SLIT1: variants seen among roughly 807,000 people sequenced by gnomAD.
The protein encoded by SLIT1 is slit homolog 1 protein.
A neutral mutation model predicts 186.1 loss-of-function variants in SLIT1; 66 were observed. That is an observed-to-expected ratio of 0.35 (90% CI 0.29 to 0.44). SLIT1 has a LOEUF of 0.44. SLIT1 is among the 20% of genes least tolerant of loss of function. The pLI is 1.00. For synonymous variants in SLIT1, 761 were observed against 833.8 expected (o/e 0.91, Z 1.50); for missense variants, 1,638 against 2,037.4 (o/e 0.80, Z 3.77).
At chr10:97,172,207 T>C (rs191429862) in intron 1 of SLIT1, among the ~76,000 whole-genome samples, 3 of 152,194 alleles carry the variant, frequency 2.0e-5, no homozygotes, top group Non-Finnish European at 4.4e-5. Flanking sequence ...TATACCCAGC[T>C]AAATTTTTTT....
At chr10:97,148,180 T>C (rs957977937) in intron 4 of SLIT1, among the ~76,000 whole-genome samples, 1 of 152,166 alleles carries the variant, frequency 6.6e-6, no homozygotes, top group African/African-American at 2.4e-5. Flanking sequence ...ACCCATTGCA[T>C]AGGACCATGA....
In SLIT1 at chr10:97,002,895, G is replaced by T; in HGVS notation, c.3963C>A (p.Asn1321Lys). The change falls in exon 35 of 37, where the codon AAC (asparagine) becomes AAA (lysine). Residue 1321 changes from asparagine (N) to lysine (K), a missense_variant. This residue lies in a region of SLIT1 where 173 missense variants were observed against 290.9 expected (regional missense o/e 0.59). Transcript: ENST00000266058. ...HGCIRNLYINNELQDFTKTQM... is the reference protein window; with the variant it reads ...HGCIRNLYINKELQDFTKTQM... ...GCGTCTTGGTGAAGTCCTGCAGCTC[G>T]TTGTTGATGTACAGGTTTCGGATGC... The T allele has an allele frequency of 6.2e-7, 1 of 1,614,220 alleles. No individual in the cohort carries two copies. The highest frequency in any genetic ancestry group is 8.5e-7 in the Non-Finnish European group (1 of 1,180,028).
Position 97,059,653 on chromosome 10 carries a change from G to A in SLIT1, c.1014-122C>T, listed in dbSNP as rs1848873647. The A allele has an allele frequency of 2.1e-5, 16 of 746,166 alleles. No homozygotes were observed. In the East Asian group the frequency reaches 4.2e-4, roughly 20 times the overall value. 46.2% of individuals were successfully genotyped at this position (746,166 alleles called of 1,614,324 possible). A position where few individuals can be genotyped will look rare whatever the true frequency, so the allele number is the denominator to read the frequency against. ...GGTGGAGTGCTTTGAAATGAGAATA[G>A]TGAGAGGCCAGATCTCTCCTCCATT... On this transcript the variant is annotated intron_variant, in intron 10 of 36. Coordinates refer to ENST00000266058, the MANE Select transcript of SLIT1 (RefSeq NM_003061.3).
rs915882545 is a variant in SLIT1 at position 97,021,145 on chromosome 10, C to T, written c.2746+105G>A. The T allele has an allele frequency of 2.6e-6, 3 of 1,146,500 alleles. No individual in the cohort carries two copies. Among genetic ancestry groups the T allele is most frequent in the African/African-American group, 3.1e-5 (2 of 63,736 alleles). 71.0% of individuals were successfully genotyped at this position (1,146,500 alleles called of 1,614,324 possible). A position where few individuals can be genotyped will look rare whatever the true frequency, so the allele number is the denominator to read the frequency against. ...TGCCTTGTTCCTGTCCCCTGACCCC[C>T]CGCCCAGCGGTCACCACAGGGACGC... On this transcript the variant is annotated intron_variant, in intron 26 of 36. Coordinates refer to ENST00000266058, the MANE Select transcript of SLIT1 (RefSeq NM_003061.3). This position sits in a 1 kb window ranked among gnomAD's most constrained non-coding sequence, Gnocchi z 4.5.
intron 1 of SLIT1, among the ~76,000 whole-genome samples, chr10:97,168,742 G>C (rs1850151042): frequency 1.3e-5 from 2 of 152,274 alleles, no homozygotes; most frequent in South Asian, 4.2e-4. Context: ...GGAATTACTT[G>C]ATCAAAGTCA....
At chr10:97,045,024 G>A (rs1333271022) in intron 18 of SLIT1, among the ~76,000 whole-genome samples, 1 of 152,120 alleles carries the variant, frequency 6.6e-6, no homozygotes, top group African/African-American at 2.4e-5. Context: ...ACCATGTGAG[G>A]ACACAATGAG....
At chr10:97,139,451 A>C (rs565666983) in intron 4 of SLIT1, among the ~76,000 whole-genome samples, 5 of 152,342 alleles carry the variant, frequency 3.3e-5, no homozygotes, top group Admixed American at 6.5e-5. Flanking sequence ...AGGGAAATAC[A>C]TAAAAAGTGG....
intron 34 of SLIT1, among the ~76,000 whole-genome samples, chr10:97,003,543 C>T (rs914629571): frequency 6.6e-6 from 1 of 152,196 alleles, no homozygotes; most frequent in African/African-American, 2.4e-5. Context: ...AGCCTCAGCA[C>T]GCCTCCCACA....
intron 4 of SLIT1, among the ~76,000 whole-genome samples, chr10:97,143,477 G>A (rs1309710574): frequency 1.3e-5 from 2 of 152,218 alleles, no homozygotes; most frequent in Admixed American, 6.5e-5. Context: ...CTGAGGCTGT[G>A]GGGAGAAGGG....
At chr10:97,042,874 C>T in intron 20 of SLIT1, 27 bp downstream of exon 20, 1 of 1,609,352 alleles carries the variant, frequency 6.2e-7, no homozygotes, top group Non-Finnish European at 8.5e-7. Flanking sequence ...GCGCCCTCTC[C>T]CTTGCCACCG....
intron 14 of SLIT1, 91 bp downstream of exon 14, chr10:97,048,864 T>TGGGCAGAC: frequency 2.3e-6 from 3 of 1,330,328 alleles, no homozygotes; most frequent in Non-Finnish European, 3.2e-6. Flanking sequence ...GGTGGGCAGG[T>TGGGCAGAC]GGGCAGGTAT....
At chr10:97,175,320 A>ATT (rs1156419335) in intron 1 of SLIT1, among the ~76,000 whole-genome samples, 1 of 152,150 alleles carries the variant, frequency 6.6e-6, no homozygotes, top group African/African-American at 2.4e-5. Flanking sequence ...TTGCTTCCAC[A>ATT]TTTTAGCTAT....
chr10:97,047,781 G>A lies in SLIT1; in HGVS notation c.1543C>T (p.His515Tyr), dbSNP rs749986516. ...SECNSDVVCPHKCRCEANVVE... is the reference protein window; with the variant it reads ...SECNSDVVCPYKCRCEANVVE... Reference sequence around the variant, plus strand: ...ACGTTGGCCTCACAGCGGCACTTGTGGGGACAGACCACGTCGCTGTTGCAC... The same window carrying A: ...ACGTTGGCCTCACAGCGGCACTTGTAGGGACAGACCACGTCGCTGTTGCAC... The change falls in exon 16 of 37, where the codon CAC becomes TAC. Residue 515 changes from histidine to tyrosine, a missense_variant. His to Tyr is a moderately conservative substitution (Grantham distance 83, BLOSUM62 2). Around this residue, in one of 3 missense-constraint regions of SLIT1, gnomAD observed 1,245 missense variants for 1,535.3 expected, o/e 0.81. Transcript: ENST00000266058. 1.2e-6 allele frequency: 2 copies of A among 1,614,086 alleles called. No homozygotes were observed. The highest frequency in any genetic ancestry group is 1.7e-6 in the Non-Finnish European group (2 of 1,180,002).
At chr10:97,009,061 T>C (rs1473584245) in intron 31 of SLIT1, among the ~76,000 whole-genome samples, 1 of 151,918 alleles carries the variant, frequency 6.6e-6, no homozygotes, top group African/African-American at 2.4e-5. Flanking sequence ...TGTATTTTAA[T>C]AGAGGTGGGG....
At chr10:97,181,459 G>C (rs1850337239) in intron 1 of SLIT1, among the ~76,000 whole-genome samples, 1 of 152,224 alleles carries the variant, frequency 6.6e-6, no homozygotes, top group South Asian at 2.1e-4. Flanking sequence ...CTAGCTCAGG[G>C]AGTTGAGTCT....
intron 4 of SLIT1, among the ~76,000 whole-genome samples, chr10:97,135,159 A>G (rs1317126552): frequency 6.6e-6 from 1 of 152,226 alleles, no homozygotes; most frequent in African/African-American, 2.4e-5. Flanking sequence ...AGTCGAAGGC[A>G]CGGGCTTCAC....
At chr10:97,093,793 C>T (rs1455062649) in intron 4 of SLIT1, among the ~76,000 whole-genome samples, 1 of 152,198 alleles carries the variant, frequency 6.6e-6, no homozygotes, top group African/African-American at 2.4e-5. Flanking sequence ...CTAGCAGTAC[C>T]CAACACTCCA....
At chr10:97,053,955 C>T (rs185300148) in intron 13 of SLIT1, among the ~76,000 whole-genome samples, 6 of 152,078 alleles carry the variant, frequency 3.9e-5, no homozygotes, top group Admixed American at 1.3e-4. Context: ...GATCGGTGTT[C>T]GGTGTTTGGT....
At chr10:97,139,538 G>C (rs1362356570) in intron 4 of SLIT1, among the ~76,000 whole-genome samples, 1 of 152,144 alleles carries the variant, frequency 6.6e-6, no homozygotes. Context: ...GTGACAGACA[G>C]GGTACCAAAA....
Sources: allele counts gnomAD v4.1 joint callset (sites outside exome capture counted in the v4.1 genomes callset), GRCh38; gene constraint gnomAD v4.1.1; regional missense constraint gnomAD v4.1.1; non-coding constraint Gnocchi (gnomAD v3.1); transcripts MANE v1.5; gene names NCBI Gene and HGNC (gene_info 2026-07-23, HGNC 2026-07-21).